Variants in ME1 observed in about 807,000 individuals in gnomAD.
The protein encoded by ME1 is NADP-dependent malic enzyme.
In ME1, 74 loss-of-function variants were observed where a neutral mutation model predicts 66.4. The observed-to-expected ratio is 1.11, with a 90% CI of 0.92 to 1.35. The LOEUF is 1.35. Ranked by LOEUF, ME1 falls within the 40% of genes most tolerant of loss-of-function variation. ME1 has a pLI of 0.00. For synonymous variants in ME1, 251 were observed against 235.6 expected (o/e 1.07, Z -0.60); for missense variants, 750 against 694.1 (o/e 1.08, Z -0.90).
intron 6 of ME1, among the ~76,000 whole-genome samples, chr6:83,281,801 G>A (rs1404115119): frequency 5.3e-4 from 35 of 65,704 alleles, no homozygotes; most frequent in African/African-American, 2.2e-3. Flanking sequence ...CTGAGACTCT[G>A]TCTCCAAAAA....
chr6:83,295,640 C>T (rs1767583825), intron 6 of ME1, among the ~76,000 whole-genome samples: 1 of 151,922 alleles, frequency 6.6e-6, no homozygotes. Flanking sequence ...AAACCAACCC[C>T]AAAGCTAGCA....
At chr6:83,366,775 C>T (rs958815996) in intron 3 of ME1, among the ~76,000 whole-genome samples, 10 of 152,166 alleles carry the variant, frequency 6.6e-5, no homozygotes, top group African/African-American at 9.7e-5. Flanking sequence ...AAAAGACTTC[C>T]ACCGAAGTCT....
intron 5 of ME1, among the ~76,000 whole-genome samples, chr6:83,316,909 A>G (rs1424903364): frequency 1.3e-5 from 2 of 152,116 alleles, no homozygotes; most frequent in Admixed American, 1.3e-4. Flanking sequence ...AATATTGCTG[A>G]AAGAAACTCA....
chr6:83,382,414 G>T (rs1769423394), intron 3 of ME1, among the ~76,000 whole-genome samples: 1 of 151,988 alleles, frequency 6.6e-6, no homozygotes, highest in Non-Finnish European at 1.5e-5. Context: ...GAAAAAGCAA[G>T]AATCTTCCGG....
At chr6:83,358,746 AC>A in intron 3 of ME1, among the ~76,000 whole-genome samples, 1 of 152,314 alleles carries the variant, frequency 6.6e-6, no homozygotes, top group Non-Finnish European at 1.5e-5. Flanking sequence ...AGTAGTGGCA[AC>A]ATCCCCTCCT....
At position 83,429,120 on chromosome 6, in the gene ME1, G is replaced by A. The variant is rs575501120; in HGVS notation, c.78+1757C>T. On this transcript the variant is annotated intron_variant, in intron 1 of 13. Transcript: ENST00000369705. ...GTACTAAAAGTACAAAAAATTTGCC[G>A]GGCATGGTGGCGGGCGCTTGTAGTC... is the stretch of plus-strand genomic sequence containing the variant. Among the ~76,000 whole-genome samples the A allele has an allele frequency of 2.1e-3, 313 of 152,198 alleles. 1 individual carries two copies. Among genetic ancestry groups the A allele is most frequent in the African/African-American group, 7.3e-3 (302 of 41,528 alleles).
At chr6:83,418,120 G>A (rs929405248) in intron 1 of ME1, among the ~76,000 whole-genome samples, 2 of 152,216 alleles carry the variant, frequency 1.3e-5, no homozygotes, top group Admixed American at 1.3e-4. Context: ...TTGCAGAAAT[G>A]TTTTCTCTCT....
At chr6:83,290,514 C>G (rs370776195) in intron 6 of ME1, among the ~76,000 whole-genome samples, 2 of 152,056 alleles carry the variant, frequency 1.3e-5, no homozygotes, top group Non-Finnish European at 2.9e-5. Flanking sequence ...GATTTCTGTT[C>G]GTTTATATTT....
intron 5 of ME1, among the ~76,000 whole-genome samples, chr6:83,329,290 G>C (rs1768361195): frequency 6.6e-6 from 1 of 152,082 alleles, no homozygotes; most frequent in Non-Finnish European, 1.5e-5. Context: ...CCTTTTCTTT[G>C]TATCTATGCA....
At chr6:83,246,464 C>T (rs899285651) in intron 7 of ME1, among the ~76,000 whole-genome samples, 1 of 151,970 alleles carries the variant, frequency 6.6e-6, no homozygotes, top group Non-Finnish European at 1.5e-5. Context: ...TTTTAATTTA[C>T]AAAAAATACC....
intron 2 of ME1, among the ~76,000 whole-genome samples, chr6:83,400,030 A>G (rs1769810811): frequency 6.6e-6 from 1 of 152,332 alleles, no homozygotes. Context: ...CTCAGGGCTC[A>G]ATACACTTTC....
At chr6:83,268,392 C>G (rs538844222) in intron 6 of ME1, among the ~76,000 whole-genome samples, 2 of 152,166 alleles carry the variant, frequency 1.3e-5, no homozygotes, top group South Asian at 4.1e-4. Context: ...AATAAAAGTA[C>G]TCCTATTAAG....
intron 1 of ME1, among the ~76,000 whole-genome samples, chr6:83,424,823 G>A (rs891673210): frequency 3.3e-5 from 5 of 152,146 alleles, no homozygotes; most frequent in Middle Eastern, 3.2e-3. Context: ...CAAGGTGTCT[G>A]GAGGGCTGAT....
At chr6:83,236,923 G>A (rs1471660266) in intron 9 of ME1, among the ~76,000 whole-genome samples, 3 of 152,030 alleles carry the variant, frequency 2.0e-5, no homozygotes, top group Non-Finnish European at 4.4e-5. Context: ...AACTGGCCAA[G>A]TGCAGTGGTT....
At chr6:83,405,151 T>C (rs1269181282) in intron 2 of ME1, among the ~76,000 whole-genome samples, 1 of 152,238 alleles carries the variant, frequency 6.6e-6, no homozygotes, top group Non-Finnish European at 1.5e-5. Context: ...TGAAATGTTC[T>C]TCCATTTGTT....
intron 6 of ME1, among the ~76,000 whole-genome samples, chr6:83,303,318 G>T (rs1767764112): frequency 6.6e-6 from 1 of 152,062 alleles, no homozygotes; most frequent in African/African-American, 2.4e-5. Context: ...CTTTTTTATT[G>T]TGAAAGTAAT....
intron 6 of ME1, among the ~76,000 whole-genome samples, chr6:83,259,231 ATG>A (rs1262799543): frequency 6.6e-6 from 1 of 152,202 alleles, no homozygotes; most frequent in Admixed American, 6.5e-5. Context: ...ATTTTTTATA[ATG>A]TATTGAAGCT....
At chr6:83,410,013 A>T (rs1254588449) in intron 1 of ME1, among the ~76,000 whole-genome samples, 4 of 152,208 alleles carry the variant, frequency 2.6e-5, no homozygotes, top group South Asian at 4.1e-4. Flanking sequence ...TCCTTTACCC[A>T]GCAGTTCCAG....
intron 7 of ME1, among the ~76,000 whole-genome samples, chr6:83,251,322 C>A (rs188885134): frequency 2.6e-5 from 4 of 151,974 alleles, no homozygotes; most frequent in Non-Finnish European, 4.4e-5. Flanking sequence ...TGGCAAAAAC[C>A]CATCTCTACT....
Sources: allele counts gnomAD v4.1 joint callset (sites outside exome capture counted in the v4.1 genomes callset), GRCh38; gene constraint gnomAD v4.1.1; transcripts MANE v1.5; gene names NCBI Gene and HGNC (gene_info 2026-07-23, HGNC 2026-07-21).